Variants in PCYT1B observed in about 807,000 individuals in gnomAD.
PCYT1B encodes the protein choline-phosphate cytidylyltransferase B.
PCYT1B carries 10 observed loss-of-function variants against 26.4 expected under a neutral mutation model. That is an observed-to-expected ratio of 0.38 (90% CI 0.23 to 0.64). PCYT1B has a LOEUF of 0.64. PCYT1B is among the 30% of genes least tolerant of loss of function. PCYT1B has a pLI of 0.56. For synonymous variants in PCYT1B, 131 were observed against 108.4 expected, an observed-to-expected ratio of 1.21 and a Z score of -1.29; for missense variants, 161 against 292.7, an observed-to-expected ratio of 0.55 and a Z score of 3.28.
chrX:24,579,301 A>G lies in PCYT1B; in HGVS notation c.708+15T>C. On this transcript the variant is annotated intron_variant, in intron 6 of 7. Coordinates refer to ENST00000379144, the MANE Select transcript of PCYT1B (RefSeq NM_004845.5). The stretch of plus-strand genomic sequence containing the variant: ...GGCATGGTGGTCTTCAGAGGGTTTG[A>G]GGTGGCATGCTTACATTTATAAAGC... The G allele has an allele frequency of 8.3e-7, 1 of 1,206,738 alleles. No homozygotes were observed. The highest frequency in any genetic ancestry group is 1.8e-5 in the South Asian group (1 of 56,676).
At position 24,561,546 on chromosome X, in the gene PCYT1B, T is replaced by A. The variant is rs41303157; in HGVS notation, c.*747A>T. The A allele has an allele frequency of 0.012, 1,363 of 112,367 alleles. 11 individuals carry two copies. The highest frequency in any genetic ancestry group is 0.019 in the Non-Finnish European group (991 of 53,352). The allele number at this position is 112,367 out of a possible 1,213,427, so 9.3% of individuals were successfully genotyped here. ...TTAGGAAGTTTTTCTTTGTTGCAGTTCCCACGGATTAAGGTAATTTCTGCA... is the reference window on the plus strand; with the variant it reads ...TTAGGAAGTTTTTCTTTGTTGCAGTACCCACGGATTAAGGTAATTTCTGCA... On this transcript the variant is annotated 3_prime_UTR_variant, in exon 8 of 8. Transcript: ENST00000379144.
rs1218518627 is a variant in PCYT1B at position 24,637,487 on chromosome X, A to ATAT, written c.117+9501_117+9502insATA. Among the ~76,000 whole-genome samples, 46 of 56,165 alleles carry ATAT rather than the reference A, an allele frequency of 8.2e-4. 1 individual carries two copies. Among genetic ancestry groups the ATAT allele is most frequent in the Non-Finnish European group, 1.1e-3 (40 of 37,194 alleles). The allele number at this position is 56,165 out of a possible 115,157, so 48.8% of individuals were successfully genotyped here. A position where few individuals can be genotyped will look rare whatever the true frequency, so the allele number is the denominator to read the frequency against. On this transcript the variant is annotated intron_variant, in intron 1 of 7. Transcript: ENST00000379144. ...TGAAACCCCATCTCTACTAAAAAAA[A>ATAT]AAAAATATATATATATATATATATA... is the stretch of plus-strand genomic sequence containing the variant.
intron 2 of PCYT1B, among the ~76,000 whole-genome samples, chrX:24,608,366 G>A (rs911501481): frequency 8.9e-6 from 1 of 111,736 alleles, no homozygotes; most frequent in Non-Finnish European, 1.9e-5. Flanking sequence ...AGTCAGCCAC[G>A]ATAGAGTGCT....
At chrX:24,607,301 C>A (rs1170455848) in intron 3 of PCYT1B, among the ~76,000 whole-genome samples, 1 of 112,588 alleles carries the variant, frequency 8.9e-6, no homozygotes, top group East Asian at 2.8e-4. Context: ...ACAACATTGT[C>A]TTAAGTGCTG....
Position 24,580,438 on chromosome X carries a change from C to G in PCYT1B, c.566-980G>C, listed in dbSNP as rs61761929. On this transcript the variant is annotated intron_variant, in intron 5 of 7. Transcript: ENST00000379144. Reference sequence around the variant, plus strand: ...AAAAAGTGTACTATTTGTGTCGTCTCTGATCTAAAGGCATGCCTGTAGGGA... The same window carrying G: ...AAAAAGTGTACTATTTGTGTCGTCTGTGATCTAAAGGCATGCCTGTAGGGA... Among the ~76,000 whole-genome samples, 905 of 112,124 alleles carry G rather than the reference C, an allele frequency of 8.1e-3. 11 individuals are homozygous for G. Among genetic ancestry groups the G allele is most frequent in the African/African-American group, 0.028 (876 of 30,858 alleles).
At chrX:24,578,791 T>A (rs1924105868) in intron 6 of PCYT1B, among the ~76,000 whole-genome samples, 1 of 111,459 alleles carries the variant, frequency 9.0e-6, no homozygotes, top group Non-Finnish European at 1.9e-5. Context: ...AACCCTTCAA[T>A]CAAGTCTAAA....
chrX:24,577,537 C>T (rs1000154002), intron 6 of PCYT1B, among the ~76,000 whole-genome samples: 2 of 111,550 alleles, frequency 1.8e-5, no homozygotes, highest in Non-Finnish European at 3.8e-5. Flanking sequence ...GCCACTCAAA[C>T]CTGACATTTT....
At chrX:24,609,080 C>T (rs1925227362) in intron 2 of PCYT1B, among the ~76,000 whole-genome samples, 1 of 111,920 alleles carries the variant, frequency 8.9e-6, no homozygotes, top group Non-Finnish European at 1.9e-5. Flanking sequence ...CACCTCATCT[C>T]CACGGCTACA....
intron 2 of PCYT1B, among the ~76,000 whole-genome samples, chrX:24,611,982 A>C (rs1312873650): frequency 8.9e-6 from 1 of 111,785 alleles, no homozygotes; most frequent in Non-Finnish European, 1.9e-5. Context: ...AAAAAAAAAC[A>C]AAAACAACAA....
At chrX:24,562,888 C>T (rs1433047875) in intron 7 of PCYT1B, among the ~76,000 whole-genome samples, 11 of 109,964 alleles carry the variant, frequency 1.0e-4, no homozygotes, top group African/African-American at 3.0e-4. Flanking sequence ...CCACCATGCC[C>T]GGCTAATTTT....
At chrX:24,616,332 G>A (rs949017804) in intron 2 of PCYT1B, among the ~76,000 whole-genome samples, 5 of 106,300 alleles carry the variant, frequency 4.7e-5, no homozygotes, top group African/African-American at 1.7e-4. Flanking sequence ...CTGCCTCCTG[G>A]GTTCAAGCGT....
chrX:24,563,251 C>T (rs924061834), intron 7 of PCYT1B, among the ~76,000 whole-genome samples: 7 of 111,552 alleles, frequency 6.3e-5, no homozygotes, highest in East Asian at 2.8e-4. Flanking sequence ...AAAAAGAGGG[C>T]GAGAGGATAG....
At chrX:24,596,646 T>C (rs748768814) in intron 3 of PCYT1B, among the ~76,000 whole-genome samples, 2 of 108,638 alleles carry the variant, frequency 1.8e-5, no homozygotes, top group South Asian at 8.1e-4. Flanking sequence ...ACCATGACGA[T>C]TGTGGTGCCT....
At chrX:24,596,685 A>G (rs1019123830) in intron 3 of PCYT1B, among the ~76,000 whole-genome samples, 1 of 110,679 alleles carries the variant, frequency 9.0e-6, no homozygotes, top group Admixed American at 9.7e-5. Context: ...GAAATAGACT[A>G]TAGTACCTCC....
intron 1 of PCYT1B, among the ~76,000 whole-genome samples, chrX:24,662,015 C>A (rs1167517722): frequency 9.1e-6 from 1 of 110,235 alleles, no homozygotes; most frequent in Non-Finnish European, 1.9e-5. Flanking sequence ...AATAAAAAAG[C>A]AAAACTAGCT....
intron 7 of PCYT1B, among the ~76,000 whole-genome samples, chrX:24,567,128 G>A (rs1923656856): frequency 8.9e-6 from 1 of 112,108 alleles, no homozygotes; most frequent in South Asian, 3.7e-4. Context: ...TATATTTTCT[G>A]TGGCAGCCAT....
At chrX:24,646,066 C>A (rs1257006911) in intron 1 of PCYT1B, among the ~76,000 whole-genome samples, 2 of 111,922 alleles carry the variant, frequency 1.8e-5, no homozygotes, top group Non-Finnish European at 3.8e-5. Flanking sequence ...GAAAGGATAG[C>A]TTTAACTAGT....
chrX:24,612,220 C>T (rs945374854), intron 2 of PCYT1B, among the ~76,000 whole-genome samples: 28 of 112,399 alleles, frequency 2.5e-4, no homozygotes, highest in Admixed American at 4.7e-4. Context: ...CTGCTAACAA[C>T]CTGAGTGAGC....
chrX:24,561,904 T>A lies in PCYT1B; in HGVS notation c.*389A>T. The A allele has an allele frequency of 2.2e-6, 1 of 460,330 alleles. No individual in the cohort carries two copies. Among genetic ancestry groups the A allele is most frequent in the Non-Finnish European group, 3.8e-6 (1 of 261,870 alleles). 37.9% of individuals were successfully genotyped at this position (460,330 alleles called of 1,213,427 possible). ...TGGGAGGCAACGTGCAGGACCCTTA[T>A]GGACGCAGAAGTAGCAGGTTGAGGG... On this transcript the variant is annotated 3_prime_UTR_variant, in exon 8 of 8. Transcript: ENST00000379144.
Sources: gnomAD v4.1 joint callset for allele counts (sites outside exome capture counted in the v4.1 genomes callset) on GRCh38, gnomAD v4.1.1 for gene constraint, MANE v1.5 for transcripts, NCBI Gene and HGNC (gene_info 2026-07-23, HGNC 2026-07-21) for gene names.